The following EXOC4 variants were observed in gnomAD, a reference collection of about 807,000 sequenced individuals.
EXOC4 encodes SEC8-like 1.
Under a neutral mutation model 107.2 loss-of-function variants are expected in EXOC4, and 71 were observed. That is an observed-to-expected ratio of 0.66 (90% CI 0.55 to 0.81). The LOEUF (loss-of-function observed/expected upper bound fraction) is 0.81, where lower values mean the gene tolerates loss of function less well. EXOC4 is among the 30% of genes least tolerant of loss of function. EXOC4 has a pLI of 0.00. For synonymous variants in EXOC4, 456 were observed against 441.2 expected (o/e 1.03, Z -0.42); for missense variants, 1,108 against 1,189.6 (o/e 0.93, Z 1.01).
At chr7:133,588,863 G>A (rs559806864) in intron 9 of EXOC4, among the ~76,000 whole-genome samples, 3 of 152,132 alleles carry the variant, frequency 2.0e-5, no homozygotes, top group Admixed American at 1.3e-4. Flanking sequence ...GGCGACAAGA[G>A]TGAAACTCAG....
chr7:133,299,834 T>C (rs1794603787), intron 3 of EXOC4, among the ~76,000 whole-genome samples: 1 of 152,198 alleles, frequency 6.6e-6, no homozygotes, highest in Non-Finnish European at 1.5e-5. Context: ...GTACCTAATA[T>C]CGCCTCATTT....
the EXOC4 span, among the ~76,000 whole-genome samples, chr7:134,085,005 G>C: frequency 1.2e-3 from 185 of 152,194 alleles, no homozygotes; most frequent in Non-Finnish European, 2.2e-3. Context: ...TGCCTTTTTT[G>C]AACACAGTTT....
At chr7:133,686,993 T>TG (rs1562907797) in intron 10 of EXOC4, among the ~76,000 whole-genome samples, 795 of 7,564 alleles carry the variant, frequency 0.11, 8 homozygotes, top group African/African-American at 0.15. Flanking sequence ...ATAAAGAATT[T>TG]TGTGTGTGTG....
At chr7:133,724,615 A>G (rs143891171) in intron 10 of EXOC4, among the ~76,000 whole-genome samples, 6 of 152,348 alleles carry the variant, frequency 3.9e-5, no homozygotes, top group African/African-American at 1.4e-4. Flanking sequence ...CTATTATTTT[A>G]TTAATGAATC....
chr7:134,019,327 C>T (rs1794977603), intron 17 of EXOC4, among the ~76,000 whole-genome samples: 1 of 151,690 alleles, frequency 6.6e-6, no homozygotes, highest in Non-Finnish European at 1.5e-5. Flanking sequence ...CTTTAAACTA[C>T]TTTCTCTAAA....
intron 7 of EXOC4, among the ~76,000 whole-genome samples, chr7:133,470,263 A>G (rs1407088901): frequency 6.6e-6 from 1 of 152,216 alleles, no homozygotes; most frequent in East Asian, 1.9e-4. Context: ...TATAACCACA[A>G]ACAGTTATAG....
intron 11 of EXOC4, among the ~76,000 whole-genome samples, chr7:133,881,171 C>G (rs933862054): frequency 6.6e-6 from 1 of 152,028 alleles, no homozygotes; most frequent in African/African-American, 2.4e-5. Context: ...TTCAAGTACT[C>G]TGTGTGTGTA....
chr7:133,502,928 G>T (rs1355867118), intron 9 of EXOC4, among the ~76,000 whole-genome samples: 1 of 152,122 alleles, frequency 6.6e-6, no homozygotes, highest in Admixed American at 6.5e-5. Flanking sequence ...ATTTTTAAGA[G>T]ACCTTGTCAG....
chr7:133,831,894 A>G (rs1355505449), intron 11 of EXOC4, among the ~76,000 whole-genome samples: 1 of 152,192 alleles, frequency 6.6e-6, no homozygotes, highest in Admixed American at 6.5e-5. Flanking sequence ...GATGTCTCCA[A>G]CACTAATCTA....
At chr7:133,602,638 T>C (rs975932520) in intron 9 of EXOC4, among the ~76,000 whole-genome samples, 8 of 152,242 alleles carry the variant, frequency 5.3e-5, no homozygotes, top group Admixed American at 3.3e-4. Context: ...AATTTCAGAC[T>C]AAACAAAGCT....
At chr7:133,989,471 G>A (rs536907053) in intron 14 of EXOC4, among the ~76,000 whole-genome samples, 1 of 152,240 alleles carries the variant, frequency 6.6e-6, no homozygotes, top group African/African-American at 2.4e-5. Flanking sequence ...CAGAAACACC[G>A]GCATTATGGA....
chr7:133,660,470 C>T (rs186453980), intron 10 of EXOC4, among the ~76,000 whole-genome samples: 121 of 152,204 alleles, frequency 7.9e-4, no homozygotes, highest in African/African-American at 2.8e-3. Flanking sequence ...GGTATTACTT[C>T]GGCCACATTG....
At chr7:133,439,033 T>C (rs1184772054) in intron 7 of EXOC4, among the ~76,000 whole-genome samples, 3 of 152,140 alleles carry the variant, frequency 2.0e-5, no homozygotes, top group Admixed American at 6.5e-5. Flanking sequence ...CCTATGTATG[T>C]ATATGTATGT....
At chr7:133,771,032 G>A (rs534796394) in intron 10 of EXOC4, among the ~76,000 whole-genome samples, 1 of 152,088 alleles carries the variant, frequency 6.6e-6, no homozygotes, top group Non-Finnish European at 1.5e-5. Flanking sequence ...CCATGATTGA[G>A]TTAAAGATTC....
chr7:133,730,501 C>G (rs1449191347), intron 10 of EXOC4, among the ~76,000 whole-genome samples: 1 of 152,092 alleles, frequency 6.6e-6, no homozygotes, highest in Non-Finnish European at 1.5e-5. Context: ...AAAAAAACAG[C>G]TTTCTGATAT....
At chr7:133,796,812 C>A (rs1796825985) in intron 10 of EXOC4, among the ~76,000 whole-genome samples, 2 of 152,142 alleles carry the variant, frequency 1.3e-5, no homozygotes, top group African/African-American at 4.8e-5. Context: ...TTAGAAGACA[C>A]CTGACTTCAT....
At chr7:133,303,729 A>G (rs1794692630) in intron 3 of EXOC4, among the ~76,000 whole-genome samples, 1 of 152,184 alleles carries the variant, frequency 6.6e-6, no homozygotes, top group Admixed American at 6.5e-5. Flanking sequence ...CTTTGATAAT[A>G]TATGTTATTA....
chr7:133,422,223 A>G, intron 7 of EXOC4, among the ~76,000 whole-genome samples: 1 of 152,224 alleles, frequency 6.6e-6, no homozygotes, highest in East Asian at 1.9e-4. Flanking sequence ...AAGTAGGCAG[A>G]GGACAATACA....
At chr7:133,809,155 A>G (rs1797154782) in intron 10 of EXOC4, among the ~76,000 whole-genome samples, 1 of 152,232 alleles carries the variant, frequency 6.6e-6, no homozygotes, top group Admixed American at 6.5e-5. Flanking sequence ...ACATAAAACC[A>G]AAACTCAAAA....
Sources: gnomAD v4.1 joint callset for allele counts (sites outside exome capture counted in the v4.1 genomes callset) on GRCh38, gnomAD v4.1.1 for gene constraint, MANE v1.5 for transcripts, NCBI Gene and HGNC (gene_info 2026-07-23, HGNC 2026-07-21) for gene names.